The following MUC5B variants were observed in gnomAD, a reference collection of about 807,000 sequenced individuals.
The protein encoded by MUC5B is mucin-5B.
Under a neutral mutation model 376.9 loss-of-function variants are expected in MUC5B, and 116 were observed. The ratio of observed to expected loss-of-function variants is 0.31; its 90% CI spans 0.26 to 0.36. The LOEUF (loss-of-function observed/expected upper bound fraction) is 0.36. Among genes scored for constraint, MUC5B ranks in the 10% least tolerant of loss-of-function variants. The probability of loss-of-function intolerance (pLI) is 1.00; values close to 1 mark genes in which losing one functional copy is unlikely to be tolerated. For missense variants in MUC5B, 7,165 were observed against 7,769.9 expected, an observed-to-expected ratio of 0.92 and a Z score of 2.93; for synonymous variants, 3,517 against 3,390.9, an observed-to-expected ratio of 1.04 and a Z score of -1.29.
At chr11:1,229,413 G>C (rs1457594569) in intron 9 of MUC5B, 118 bp downstream of exon 9, 1 of 1,248,262 alleles carries the variant, frequency 8.0e-7, no homozygotes, top group African/African-American at 1.5e-5. Flanking sequence ...CCCACCAGAG[G>C]GCCCAGGGTG....
chr11:1,235,810 C>G (rs933993971), intron 23 of MUC5B, among the ~76,000 whole-genome samples: 1 of 151,924 alleles, frequency 6.6e-6, no homozygotes, highest in Non-Finnish European at 1.5e-5. Context: ...CCCCCGCCCC[C>G]ACGTAGTCCA....
rs374784475 is a variant in MUC5B, at chr11:1,241,496, A to T, written c.4616A>T (p.His1539Leu). The T allele has an allele frequency of 1.1e-5, 18 of 1,613,544 alleles. No individual in the cohort carries two copies. In the African/African-American group the frequency reaches 2.3e-4, roughly 20 times the overall value. Reference sequence around the variant, plus strand: ...GATAAGATCAGGGCCGCTGGAGGGCACTTATGCCAGCAGCCTAAGGACATA... The same window carrying T: ...GATAAGATCAGGGCCGCTGGAGGGCTCTTATGCCAGCAGCCTAAGGACATA... ...SYDKIRAAGG[H>L]LCQQPKDIEC... Residue 1539 changes from histidine to leucine, a missense_variant, in exon 31 of 49, where the codon CAC becomes CTC. By Grantham distance (99) the His-to-Leu change is moderately conservative. This residue lies in a region of MUC5B where 517 missense variants were observed against 545.3 expected (regional missense o/e 0.95). Coordinates refer to ENST00000529681, the MANE Select transcript of MUC5B (RefSeq NM_002458.3).
Position 1,244,967 on chromosome 11 carries a change from C to T in MUC5B, c.8087C>T (p.Thr2696Met), listed in dbSNP as rs761699380. 167 of 1,563,954 alleles carry T rather than the reference C, an allele frequency of 1.1e-4. 2 individuals are homozygous for T. In the South Asian group the frequency reaches 1.3e-3, roughly 12 times the overall value. Residue 2696 changes from threonine (T) to methionine (M), a missense_variant, in exon 31 of 49, where the codon ACG becomes ATG. Physicochemically the swap from Thr to Met is moderately conservative, Grantham distance 81 (BLOSUM62 -1). Around this residue, in one of 31 missense-constraint regions of MUC5B, gnomAD observed 70 missense variants for 169.1 expected, o/e 0.41. Transcript: ENST00000529681. Reference sequence around the variant, plus strand: ...CCATCACTGACCACCACGGCCACTACGATCACGGCCACCGGCTCCACCACC... The same window carrying T: ...CCATCACTGACCACCACGGCCACTATGATCACGGCCACCGGCTCCACCACC... ...TPPSLTTTATTITATGSTTNP... is the reference protein window; with the variant it reads ...TPPSLTTTATMITATGSTTNP...
At chr11:1,239,741 C>T in intron 27 of MUC5B, 58 bp from the exon 28 acceptor site, 1 of 1,548,644 alleles carries the variant, frequency 6.5e-7, no homozygotes, top group Non-Finnish European at 8.7e-7. Context: ...GCATGGAGCC[C>T]CTGGCTGGAG....
At position 1,261,965 on chromosome 11, in the gene MUC5B, C is replaced by T. The variant is rs1006853603; in HGVS notation, c.*357C>T. 3.2e-5 allele frequency: 16 copies of T among 500,002 alleles called. No homozygotes were observed. The highest frequency in any genetic ancestry group is 1.1e-4 in the East Asian group (2 of 18,500). 31.0% of individuals were successfully genotyped at this position (500,002 alleles called of 1,614,324 possible). The stretch of plus-strand genomic sequence containing the variant: ...GCGCAGCACGGATTCCAGCTGGCCA[C>T]GTCCGGCCGCTGGGGCAGACAGGCT... On this transcript the variant is annotated 3_prime_UTR_variant, in exon 49 of 49. Transcript: ENST00000529681.
At position 1,250,388 on chromosome 11, in the gene MUC5B, C is replaced by G. The variant is rs753938649; in HGVS notation, c.13508C>G (p.Thr4503Ser). The G allele has an allele frequency of 1.8e-5, 29 of 1,613,474 alleles. No individual in the cohort carries two copies. The highest frequency in any genetic ancestry group is 5.0e-5 in the Admixed American group (3 of 59,998). Residue 4503 changes from threonine to serine, a missense_variant, in exon 31 of 49, where the codon ACT becomes AGT. Physicochemically the swap from Thr to Ser is moderately conservative, Grantham distance 58. This residue lies in a region of MUC5B where 431 missense variants were observed against 390.4 expected (regional missense o/e 1.10). Coordinates refer to ENST00000529681, the MANE Select transcript of MUC5B (RefSeq NM_002458.3). ...GCCACTCCCTCCTCCAGTCCAGGGACTGCAACTGCCCTTCCAGCACTGAGA... is the reference window on the plus strand; with the variant it reads ...GCCACTCCCTCCTCCAGTCCAGGGAGTGCAACTGCCCTTCCAGCACTGAGA... Reference protein sequence around the residue: ...SKATPSSSPGTATALPALRST... With the variant: ...SKATPSSSPGSATALPALRST...
In MUC5B at chr11:1,257,243, G is replaced by C. The variant is rs2133852543; in HGVS notation, c.16241G>C (p.Cys5414Ser). 1.3e-6 allele frequency: 1 copy of C among 779,854 alleles called. No individual in the cohort carries two copies. The highest frequency in any genetic ancestry group is 2.4e-6 in the Non-Finnish European group (1 of 418,106). 48.3% of individuals were successfully genotyped at this position (779,854 alleles called of 1,614,324 possible). Residue 5414 changes from cysteine to serine, a missense_variant, in exon 40 of 49, where the codon TGC becomes TCC. By Grantham distance (112) the Cys-to-Ser change is moderately radical. This residue lies in a region of MUC5B where 842 missense variants were observed against 1,016.9 expected (regional missense o/e 0.83). Transcript: ENST00000529681. The surrounding 1 kb of genome is among the most constrained non-coding windows in gnomAD (Gnocchi z 8.9). ...TGCCATGCTGTTTTCTTTCCAGCCT[G>C]CGTGGGACCCGATGGGTTTCCTAAA... ...HMGICVQACP[C>S]VGPDGFPKFP...
intron 23 of MUC5B, 186 bp downstream of exon 23, chr11:1,235,599 G>A (rs570552393): frequency 8.7e-5 from 53 of 611,782 alleles, no homozygotes; most frequent in South Asian, 4.9e-4. Context: ...TCCTGGAGCC[G>A]GAAGTCAGAG....
At position 1,229,701 on chromosome 11, in the gene MUC5B, G is replaced by A; in HGVS notation, c.1114G>A (p.Asp372Asn). The A allele has an allele frequency of 1.3e-6, 2 of 1,580,802 alleles. No homozygotes were observed. Among genetic ancestry groups the A allele is most frequent in the Non-Finnish European group, 1.7e-6 (2 of 1,168,400 alleles). ...GCFCPPGTVL[D>N]DITHSGCLPL... ...GCCGCGCCCCACAGGCACGGTGCTG[G>A]ATGACATCACGCACTCTGGCTGCCT... Residue 372 changes from aspartate (D) to asparagine (N), a missense_variant, in exon 10 of 49, where the codon GAT becomes AAT. Around this residue, in one of 31 missense-constraint regions of MUC5B, gnomAD observed 640 missense variants for 733.0 expected, o/e 0.87. Coordinates refer to ENST00000529681, the MANE Select transcript of MUC5B (RefSeq NM_002458.3).
intron 44 of MUC5B, 140 bp downstream of exon 44, chr11:1,259,201 C>G: frequency 1.2e-6 from 1 of 816,000 alleles, no homozygotes; most frequent in Non-Finnish European, 1.9e-6. Context: ...CAGGTGAGTC[C>G]CTGAGGCACT....
rs1173221837 is a variant in MUC5B at position 1,228,568 on chromosome 11, G to A, written c.779G>A (p.Gly260Asp). Residue 260 changes from glycine (G) to aspartate (D), a missense_variant, in exon 8 of 49, where the codon GGC (glycine) becomes GAC (aspartate). Gly to Asp is a moderately conservative substitution (Grantham distance 94, BLOSUM62 -1). This residue lies in a region of MUC5B where 640 missense variants were observed against 733.0 expected (regional missense o/e 0.87). Coordinates refer to ENST00000529681, the MANE Select transcript of MUC5B (RefSeq NM_002458.3). The stretch of plus-strand genomic sequence containing the variant: ...CTGGCCCACTGTGCTCCCCAGGAGG[G>A]CATCTGCCACCGCACCCTGCTGGGG... The part of the protein sequence containing the change: ...LPAGNCTDEE[G>D]ICHRTLLGPA... 9 of 1,522,542 alleles carry A rather than the reference G, an allele frequency of 5.9e-6. No homozygotes were observed. The highest frequency in any genetic ancestry group is 7.9e-6 in the Non-Finnish European group (9 of 1,137,990). The allele number at this position is 1,522,542 out of a possible 1,614,324, so 94.3% of individuals were successfully genotyped here.
Position 1,248,412 on chromosome 11 carries a change from C to T in MUC5B, c.11532C>T (p.Thr3844=), listed in dbSNP as rs748515320. The T allele has an allele frequency of 1.0e-4, 168 of 1,612,072 alleles. 6 individuals are homozygous for T. Among genetic ancestry groups the T allele is most frequent in the South Asian group, 1.3e-4 (12 of 90,998 alleles). Residue 3844 remains threonine (T), a synonymous_variant, in exon 31 of 49, where the codon ACC becomes ACT. Transcript: ENST00000529681. The part of the protein sequence containing the change: ...STVLTTTATT[T]RATGSVATPS... ...TGCTTACCACCACGGCCACCACAAC[C>T]AGGGCCACCGGCTCTGTGGCCACCC...
At chr11:1,259,577 G>A in intron 44 of MUC5B, 179 bp from the exon 45 acceptor site, 3 of 627,628 alleles carry the variant, frequency 4.8e-6, no homozygotes, top group Non-Finnish European at 8.4e-6. Context: ...GAAGGTGCTG[G>A]AAACTGGGGT....
Position 1,226,277 on chromosome 11 carries a change from G to A in MUC5B, c.199+1G>A, listed in dbSNP as rs780122976. 15 of 1,553,644 alleles carry A rather than the reference G, an allele frequency of 9.7e-6. No individual in the cohort carries two copies. The highest frequency in any genetic ancestry group is 6.8e-5 in the African/African-American group (5 of 73,182). On this transcript the variant is annotated splice_donor_variant, in intron 3 of 48. Coordinates refer to ENST00000529681, the MANE Select transcript of MUC5B (RefSeq NM_002458.3). LOFTEE classifies it high-confidence loss of function. ...GTCACTGTCTTCCCCAGCCTGAGCC[G>A]TAAGCAGATGCTGCCCCTGCCAGCC...
intron 31 of MUC5B, among the ~76,000 whole-genome samples, 159 bp from the exon 32 acceptor site, chr11:1,252,184 C>A (rs567285719): frequency 1.4e-4 from 21 of 152,232 alleles, no homozygotes; most frequent in African/African-American, 4.8e-4. Context: ...CCAGTGGCCA[C>A]ACTTGGTCCC....
rs968104788 is a variant in MUC5B, at chr11:1,233,732, C to T, written c.2322-61C>T. 2.4e-5 allele frequency: 37 copies of T among 1,531,140 alleles called. No homozygotes were observed. In the African/African-American group the frequency reaches 2.9e-4, roughly 12 times the overall value. 94.8% of individuals were successfully genotyped at this position (1,531,140 alleles called of 1,614,324 possible). ...AGCGTTCGGCGGGGGCTCGGAAGCC[C>T]GGGGGTGGGGTCTGCGGGGTGAGGG... is the stretch of plus-strand genomic sequence containing the variant. On this transcript the variant is annotated intron_variant, in intron 18 of 48. Transcript: ENST00000529681.
Position 1,244,542 on chromosome 11 carries a change from G to GACC in MUC5B, c.7668_7670dup (p.Thr2557dup), listed in dbSNP as rs768679816. The GACC allele has an allele frequency of 3.3e-6, 5 of 1,533,962 alleles. No individual in the cohort carries two copies. The highest frequency in any genetic ancestry group is 4.5e-6 in the Non-Finnish European group (5 of 1,117,524). On this transcript the variant is annotated inframe_insertion, in exon 31 of 49. Coordinates refer to ENST00000529681, the MANE Select transcript of MUC5B (RefSeq NM_002458.3). ...GCACCACCTGGACCCGCCTATCACA[G>GACC]ACCACCACACCCACGGCCACCATGT...
At chr11:1,235,907 T>A (rs1368624076) in intron 23 of MUC5B, among the ~76,000 whole-genome samples, 2 of 151,468 alleles carry the variant, frequency 1.3e-5, no homozygotes, top group East Asian at 1.9e-4. Flanking sequence ...GTTCTGGGAG[T>A]TCGCATGTGG....
At position 1,229,550 on chromosome 11, in the gene MUC5B, C is replaced by T. The variant is rs542300020; in HGVS notation, c.1103-140C>T. 42 of 832,336 alleles carry T rather than the reference C, an allele frequency of 5.0e-5. No homozygotes were observed. The African/African-American group carries it at 5.9e-4, about 12-fold the overall frequency. 51.6% of individuals were successfully genotyped at this position (832,336 alleles called of 1,614,324 possible). A position where few individuals can be genotyped will look rare whatever the true frequency, so the allele number is the denominator to read the frequency against. Reference sequence around the variant, plus strand: ...CAGAGGTGCTTGGTGTTCATCCAAGCGAGTGCAGCTCAGGGCGGGGGCGGT... The same window carrying T: ...CAGAGGTGCTTGGTGTTCATCCAAGTGAGTGCAGCTCAGGGCGGGGGCGGT... On this transcript the variant is annotated intron_variant, in intron 9 of 48. Transcript: ENST00000529681.
Sources: allele counts gnomAD v4.1 joint callset (sites outside exome capture counted in the v4.1 genomes callset), GRCh38; gene constraint gnomAD v4.1.1; regional missense constraint gnomAD v4.1.1; non-coding constraint Gnocchi (gnomAD v3.1); transcripts MANE v1.5; gene names NCBI Gene and HGNC (gene_info 2026-07-23, HGNC 2026-07-21).